Variants in ICA1 observed in about 807,000 individuals in gnomAD.
ICA1 encodes the protein 69 kDa islet cell autoantigen.
In ICA1, 40 loss-of-function variants were observed where a neutral mutation model predicts 71.0. The ratio of observed to expected loss-of-function variants is 0.56; its 90% CI spans 0.44 to 0.73. ICA1 has a LOEUF of 0.73. ICA1 is among the 30% of genes least tolerant of loss of function. The pLI is 0.00. For synonymous variants in ICA1, 207 were observed against 209.5 expected (o/e 0.99, Z 0.10); for missense variants, 578 against 576.5 (o/e 1.00, Z -0.03).
chr7:8,164,816 A>C (rs1805293722), intron 6 of ICA1, among the ~76,000 whole-genome samples: 1 of 152,174 alleles, frequency 6.6e-6, no homozygotes, highest in South Asian at 2.1e-4. Flanking sequence ...AGTGCTGCAT[A>C]CTGGTAATCC....
In ICA1 at chr7:8,130,810, T is replaced by A. The variant is rs1466052665; in HGVS notation, c.1061-2668A>T. Among the ~76,000 whole-genome samples, 1 of 152,218 alleles carries A rather than the reference T, an allele frequency of 6.6e-6. No individual in the cohort carries two copies. Among genetic ancestry groups the A allele is most frequent in the African/African-American group, 2.4e-5 (1 of 41,448 alleles). ...TTCTAAAAATAACCACAGACTGTAA[T>A]AGCTCCATCTTTGTTTTTATTGTTT... is the stretch of plus-strand genomic sequence containing the variant. On this transcript the variant is annotated intron_variant, in intron 12 of 13. Transcript: ENST00000402384. This position sits in a 1 kb window ranked among gnomAD's most constrained non-coding sequence, Gnocchi z 4.2.
chr7:8,118,458 T>C (rs1334828648), intron 13 of ICA1, among the ~76,000 whole-genome samples: 2 of 152,222 alleles, frequency 1.3e-5, no homozygotes, highest in East Asian at 3.8e-4. Flanking sequence ...ATCCTTGAGC[T>C]GTTCTCTTAC....
chr7:8,231,647 C>G (rs1333490146), intron 3 of ICA1, among the ~76,000 whole-genome samples: 1 of 152,194 alleles, frequency 6.6e-6, no homozygotes, highest in Non-Finnish European at 1.5e-5. Flanking sequence ...CCAGATCCAT[C>G]TCACAGGGTT....
chr7:8,128,473 G>T (rs993013674), intron 12 of ICA1, among the ~76,000 whole-genome samples: 2 of 152,194 alleles, frequency 1.3e-5, no homozygotes, highest in African/African-American at 4.8e-5. Context: ...ACATGTTGGA[G>T]ATCTTAGTTC....
intron 6 of ICA1, among the ~76,000 whole-genome samples, chr7:8,174,166 C>T (rs922378121): frequency 2.0e-5 from 3 of 152,042 alleles, no homozygotes; most frequent in African/African-American, 7.2e-5. Context: ...ATGGAGTATG[C>T]GTGGCTTGTT....
chr7:8,183,501 A>G (rs1026953032), intron 6 of ICA1, among the ~76,000 whole-genome samples: 1 of 152,224 alleles, frequency 6.6e-6, no homozygotes, highest in East Asian at 1.9e-4. Context: ...GCATTCAGTC[A>G]ACAAAAAATT....
intron 6 of ICA1, among the ~76,000 whole-genome samples, chr7:8,207,151 G>A (rs1423809424): frequency 6.6e-6 from 1 of 152,214 alleles, no homozygotes; most frequent in Non-Finnish European, 1.5e-5. Flanking sequence ...AATGACAATG[G>A]TTGTCTCAGA....
chr7:8,188,436 T>A (rs945529393), intron 6 of ICA1, among the ~76,000 whole-genome samples: 1 of 152,152 alleles, frequency 6.6e-6, no homozygotes, highest in Non-Finnish European at 1.5e-5. Flanking sequence ...CATACCGACA[T>A]AATTTCATAA....
chr7:8,248,162 T>G (rs3807814), intron 1 of ICA1, among the ~76,000 whole-genome samples: 1 of 152,026 alleles, frequency 6.6e-6, no homozygotes, highest in African/African-American at 2.4e-5. Flanking sequence ...TTTACAACTT[T>G]AGTGGTAGAA....
chr7:8,250,695 A>G (rs149651690), intron 1 of ICA1, among the ~76,000 whole-genome samples: 214 of 152,252 alleles, frequency 1.4e-3, no homozygotes, highest in Middle Eastern at 6.8e-3. Flanking sequence ...ATGATTTTTG[A>G]TATTTCATAA....
At chr7:8,194,901 T>G (rs990815325) in intron 6 of ICA1, among the ~76,000 whole-genome samples, 1 of 152,148 alleles carries the variant, frequency 6.6e-6, no homozygotes, top group East Asian at 1.9e-4. Flanking sequence ...CTTCAAAAAA[T>G]TTTTTTATGT....
chr7:8,151,690 G>A (rs867984027), intron 8 of ICA1, among the ~76,000 whole-genome samples: 1 of 152,200 alleles, frequency 6.6e-6, no homozygotes, highest in Non-Finnish European at 1.5e-5. Flanking sequence ...GTGGCCGGTT[G>A]GTAAATGTTC....
intron 1 of ICA1, among the ~76,000 whole-genome samples, chr7:8,237,921 A>G (rs1449390233): frequency 6.6e-6 from 1 of 152,092 alleles, no homozygotes; most frequent in Non-Finnish European, 1.5e-5. Context: ...TATTGGGAAT[A>G]ATGCTGCAAT....
intron 6 of ICA1, among the ~76,000 whole-genome samples, chr7:8,200,564 G>C (rs1383281737): frequency 1.3e-5 from 2 of 152,128 alleles, no homozygotes; most frequent in South Asian, 2.1e-4. Context: ...GCCATGTGAA[G>C]GTTGACAAGT....
In ICA1 at chr7:8,246,646, A is replaced by G. The variant is rs147500668; in HGVS notation, c.-79-10641T>C. Reference sequence around the variant, plus strand: ...TCAGCCACATCCATTTGACTGAGAAACCACCTTGCTCTGTGGGAAGAATTG... The same window carrying G: ...TCAGCCACATCCATTTGACTGAGAAGCCACCTTGCTCTGTGGGAAGAATTG... On this transcript the variant is annotated intron_variant, in intron 1 of 13. Coordinates refer to ENST00000402384, the MANE Select transcript of ICA1 (RefSeq NM_001136020.3). Among the ~76,000 whole-genome samples, 386 of 152,354 alleles carry G rather than the reference A, an allele frequency of 2.5e-3. 2 individuals carry two copies. Among genetic ancestry groups the G allele is most frequent in the African/African-American group, 8.9e-3 (370 of 41,578 alleles).
chr7:8,209,428 A>G (rs187979123), intron 6 of ICA1, among the ~76,000 whole-genome samples: 132 of 152,318 alleles, frequency 8.7e-4, no homozygotes, highest in African/African-American at 3.0e-3. Flanking sequence ...CTAGGATGTT[A>G]ATATCAAATG....
chr7:8,200,075 T>G (rs537651497), intron 6 of ICA1, among the ~76,000 whole-genome samples: 2 of 152,202 alleles, frequency 1.3e-5, no homozygotes, highest in Non-Finnish European at 2.9e-5. Context: ...GAATTGTTTA[T>G]AACACAAAAG....
chr7:8,220,679 A>G (rs1208982433), intron 5 of ICA1, among the ~76,000 whole-genome samples: 1 of 152,138 alleles, frequency 6.6e-6, no homozygotes, highest in African/African-American at 2.4e-5. Flanking sequence ...CATCTACCAC[A>G]ATTTTCCCTG....
At chr7:8,131,393 T>C (rs1371798157) in intron 12 of ICA1, among the ~76,000 whole-genome samples, 1 of 152,186 alleles carries the variant, frequency 6.6e-6, no homozygotes, top group African/African-American at 2.4e-5. Context: ...CTAATACATA[T>C]CCTATTCAAC....
Sources: allele counts gnomAD v4.1 joint callset (sites outside exome capture counted in the v4.1 genomes callset), GRCh38; gene constraint gnomAD v4.1.1; non-coding constraint Gnocchi (gnomAD v3.1); transcripts MANE v1.5; gene names NCBI Gene and HGNC (gene_info 2026-07-23, HGNC 2026-07-21).